GRIP1: variants seen among roughly 807,000 people sequenced by gnomAD.
GRIP1 encodes glutamate receptor-interacting protein 1.
A neutral mutation model predicts 129.9 loss-of-function variants in GRIP1; 45 were observed. That is an observed-to-expected ratio of 0.35 (90% CI 0.27 to 0.44). GRIP1 has a LOEUF of 0.44. Ranked by LOEUF, GRIP1 falls within the 20% of genes least tolerant of loss-of-function variation. The probability of loss-of-function intolerance (pLI) is 1.00; values close to 1 mark genes in which losing one functional copy is unlikely to be tolerated. For synonymous variants in GRIP1, 530 were observed against 520.8 expected, an observed-to-expected ratio of 1.02 and a Z score of -0.24; for missense variants, 1,196 against 1,396.8, an observed-to-expected ratio of 0.86 and a Z score of 2.29.
At chr12:66,620,598 T>C (rs992274859) in intron 1 of GRIP1, among the ~76,000 whole-genome samples, 5 of 152,174 alleles carry the variant, frequency 3.3e-5, no homozygotes, top group African/African-American at 1.2e-4. Flanking sequence ...GATTTTACAC[T>C]CCAGGTAATA....
At chr12:66,469,810 CCTAT>C (rs1432075965) in intron 7 of GRIP1, among the ~76,000 whole-genome samples, 1 of 152,154 alleles carries the variant, frequency 6.6e-6, no homozygotes, top group African/African-American at 2.4e-5. Context: ...CCCCCAAGCT[CCTAT>C]CTGTCACTTA....
At position 66,347,745 on chromosome 12, in the gene GRIP1, A is replaced by C. The variant is rs1565651380; in HGVS notation, c.*1274T>G. 1 of 129,706 alleles carries C rather than the reference A, an allele frequency of 7.7e-6. No homozygotes were observed. Among genetic ancestry groups the C allele is most frequent in the Admixed American group, 8.6e-5 (1 of 11,670 alleles). 8.0% of individuals were successfully genotyped at this position (129,706 alleles called of 1,614,324 possible). On this transcript the variant is annotated 3_prime_UTR_variant, in exon 25 of 25. Transcript: ENST00000359742. ...ATTGAAATAATATTTTTTTTGCACA[A>C]AAAGAAAGGTGATTTTTTTTTTATA...
In GRIP1 at chr12:66,476,055, C is replaced by A. The variant is rs1044989189; in HGVS notation, c.725-10633G>T. Among the ~76,000 whole-genome samples, 40 of 152,132 alleles carry A rather than the reference C, an allele frequency of 2.6e-4. 1 individual carries two copies. The highest frequency in any genetic ancestry group is 9.4e-4 in the African/African-American group (39 of 41,514). ...GAAGGGGATAGAGACACAAAAAACC[C>A]TTCAAAAAATCAATGAATCCAGGAT... On this transcript the variant is annotated intron_variant, in intron 7 of 24. Transcript: ENST00000359742.
intron 7 of GRIP1, among the ~76,000 whole-genome samples, chr12:66,509,801 G>A (rs773825962): frequency 6.6e-6 from 1 of 152,042 alleles, no homozygotes; most frequent in African/African-American, 2.4e-5. Context: ...CTGTCACGGG[G>A]GCAGGGGAAG....
chr12:66,654,525 G>A (rs889305315), intron 1 of GRIP1, among the ~76,000 whole-genome samples: 4 of 152,180 alleles, frequency 2.6e-5, no homozygotes, highest in Non-Finnish European at 5.9e-5. Flanking sequence ...GAGGAGTTAG[G>A]AGTAGTTGGA....
At chr12:66,862,195 C>T (rs2040124466) in intron 1 of GRIP1, among the ~76,000 whole-genome samples, 1 of 152,072 alleles carries the variant, frequency 6.6e-6, no homozygotes, top group Non-Finnish European at 1.5e-5. Flanking sequence ...CTCAATGACT[C>T]CTAGACTGGC....
At chr12:66,369,543 T>C (rs1017233173) in intron 23 of GRIP1, among the ~76,000 whole-genome samples, 7 of 152,088 alleles carry the variant, frequency 4.6e-5, no homozygotes, top group Non-Finnish European at 8.8e-5. Flanking sequence ...AAAAAATGAC[T>C]CTGTTTTATA....
intron 1 of GRIP1, among the ~76,000 whole-genome samples, chr12:66,733,788 A>G (rs1222595837): frequency 6.6e-6 from 1 of 152,230 alleles, no homozygotes; most frequent in Admixed American, 6.5e-5. Flanking sequence ...GAAGTAAGAC[A>G]GCCTTCTTCA....
intron 15 of GRIP1, among the ~76,000 whole-genome samples, chr12:66,413,132 C>T (rs1338631268): frequency 6.6e-6 from 1 of 152,170 alleles, no homozygotes; most frequent in Non-Finnish European, 1.5e-5. Flanking sequence ...ACAGAACTCT[C>T]CACCCCAAAA....
chr12:66,369,303 T>G (rs2137264878), intron 23 of GRIP1, among the ~76,000 whole-genome samples: 1 of 151,770 alleles, frequency 6.6e-6, no homozygotes, highest in South Asian at 2.1e-4. Context: ...ATTATGCCAG[T>G]AAGTGGATGA....
At chr12:66,415,581 A>G (rs2057569754) in intron 15 of GRIP1, among the ~76,000 whole-genome samples, 1 of 152,190 alleles carries the variant, frequency 6.6e-6, no homozygotes. Context: ...TATATACCCA[A>G]AGGAATGTAA....
chr12:66,977,070 C>G (rs186987776), intron 1 of GRIP1, among the ~76,000 whole-genome samples: 1 of 152,200 alleles, frequency 6.6e-6, no homozygotes, highest in African/African-American at 2.4e-5. Context: ...GAAACAGAAG[C>G]AGGTTGCTAA....
intron 20 of GRIP1, among the ~76,000 whole-genome samples, chr12:66,378,620 G>A (rs947948984): frequency 6.6e-6 from 1 of 151,636 alleles, no homozygotes; most frequent in South Asian, 2.1e-4. Context: ...GGTGGTGCAT[G>A]CCTGTAATCC....
intron 1 of GRIP1, among the ~76,000 whole-genome samples, chr12:66,951,795 G>A (rs1346399914): frequency 6.6e-6 from 1 of 152,122 alleles, no homozygotes; most frequent in Non-Finnish European, 1.5e-5. Flanking sequence ...ACATAAACAG[G>A]CGACTGGATA....
intron 1 of GRIP1, among the ~76,000 whole-genome samples, chr12:66,606,524 G>A (rs973508526): frequency 6.6e-6 from 1 of 152,072 alleles, no homozygotes; most frequent in African/African-American, 2.4e-5. Flanking sequence ...AATAATTAGA[G>A]CTAATACTTA....
At chr12:66,802,348 T>C (rs2038882687) in intron 1 of GRIP1, among the ~76,000 whole-genome samples, 1 of 152,190 alleles carries the variant, frequency 6.6e-6, no homozygotes, top group Non-Finnish European at 1.5e-5. Context: ...AAATGACTTT[T>C]GATATTTAAC....
Position 66,771,598 on chromosome 12 carries a change from A to C in GRIP1, c.-420+32455T>G, listed in dbSNP as rs77890393. Among the ~76,000 whole-genome samples the C allele has an allele frequency of 2.6e-5, 4 of 152,316 alleles. No individual in the cohort carries two copies. The East Asian group carries it at 7.7e-4, about 29-fold the overall frequency. The stretch of plus-strand genomic sequence containing the variant: ...AGATAATTTACTTTTGGTCAATCCC[A>C]GCGCAGAGAGGTCCCCAGGAATGAG... On this transcript the variant is annotated intron_variant, in intron 1 of 4. Transcript: ENST00000538373.
At chr12:66,575,212 A>AT (rs1337724083) in intron 2 of GRIP1, among the ~76,000 whole-genome samples, 1 of 152,148 alleles carries the variant, frequency 6.6e-6, no homozygotes, top group African/African-American at 2.4e-5. Flanking sequence ...CTACTTATAT[A>AT]TTTTTTTGAA....
chr12:66,877,485 C>T (rs2040403316), intron 1 of GRIP1, among the ~76,000 whole-genome samples: 1 of 152,004 alleles, frequency 6.6e-6, no homozygotes, highest in African/African-American at 2.4e-5. Context: ...ACATCTCATA[C>T]AATTTTAAGA....
Sources: gnomAD v4.1 joint callset for allele counts (sites outside exome capture counted in the v4.1 genomes callset) on GRCh38, gnomAD v4.1.1 for gene constraint, MANE v1.5 for transcripts, NCBI Gene and HGNC (gene_info 2026-07-23, HGNC 2026-07-21) for gene names.